UNC13A: variants seen among roughly 807,000 people sequenced by gnomAD.
UNC13A encodes protein unc-13 homolog A.
UNC13A carries 61 observed loss-of-function variants against 219.7 expected under a neutral mutation model. The ratio of observed to expected loss-of-function variants is 0.28; its 90% CI spans 0.23 to 0.34. The LOEUF (loss-of-function observed/expected upper bound fraction) is 0.34. UNC13A is among the 10% of genes least tolerant of loss of function. UNC13A has a pLI of 1.00. For synonymous variants in UNC13A, 920 were observed against 884.6 expected, an observed-to-expected ratio of 1.04 and a Z score of -0.71; for missense variants, 1,476 against 2,270.3, an observed-to-expected ratio of 0.65 and a Z score of 7.11.
rs11287808 is a variant in UNC13A, at chr19:17,661,104, C to CTTTTTTTT, written c.559+2420_559+2427dup. Among the ~76,000 whole-genome samples the CTTTTTTTT allele has an allele frequency of 4.0e-4, 54 of 135,388 alleles. 1 individual carries two copies. Among genetic ancestry groups the CTTTTTTTT allele is most frequent in the Non-Finnish European group, 5.1e-4 (32 of 63,026 alleles). 88.8% of individuals were successfully genotyped at this position (135,388 alleles called of 152,430 possible). A position where few individuals can be genotyped will look rare whatever the true frequency, so the allele number is the denominator to read the frequency against. On this transcript the variant is annotated intron_variant, in intron 8 of 43. Coordinates refer to ENST00000519716, the MANE Select transcript of UNC13A (RefSeq NM_001080421.3). ...CAGGGGCGTGCCACCACACCCGGCC[C>CTTTTTTTT]TTTTTTTTTTTTTTTGTAGAGATGG... is the stretch of plus-strand genomic sequence containing the variant.
At chr19:17,626,490 A>C in intron 34 of UNC13A, 143 bp downstream of exon 34, 2 of 864,878 alleles carry the variant, frequency 2.3e-6, no homozygotes, top group Non-Finnish European at 3.3e-6. Flanking sequence ...CATCCCCTTC[A>C]TGCCACCATC....
At chr19:17,639,814 C>A (rs1250188356) in intron 23 of UNC13A, 26 bp downstream of exon 23, 1 of 1,613,162 alleles carries the variant, frequency 6.2e-7, no homozygotes, top group Non-Finnish European at 8.5e-7. Context: ...GTGGGGTGAG[C>A]AAATTCTCAT....
intron 1 of UNC13A, among the ~76,000 whole-genome samples, chr19:17,685,724 G>A (rs2080095610): frequency 6.6e-6 from 1 of 152,166 alleles, no homozygotes; most frequent in Non-Finnish European, 1.5e-5. Flanking sequence ...CATGGTCTGC[G>A]TAGAGCCTTC....
At chr19:17,672,763 T>A (rs2079814845) in intron 3 of UNC13A, among the ~76,000 whole-genome samples, 2 of 152,164 alleles carry the variant, frequency 1.3e-5, no homozygotes, top group South Asian at 2.1e-4. Context: ...ACACATCGCC[T>A]GCACCTTCAT....
chr19:17,661,074 G>C (rs890367251), intron 8 of UNC13A, among the ~76,000 whole-genome samples: 3 of 150,454 alleles, frequency 2.0e-5, no homozygotes, highest in African/African-American at 7.4e-5. Context: ...AAATAGCTGG[G>C]ACTACAGGGG....
chr19:17,601,482 T>G lies in UNC13A; in HGVS notation c.*4572A>C, dbSNP rs1599811867. The G allele has an allele frequency of 2.6e-5, 4 of 152,698 alleles. 1 individual carries two copies. In the South Asian group the frequency reaches 8.3e-4, roughly 32 times the overall value. 9.5% of individuals were successfully genotyped at this position (152,698 alleles called of 1,614,324 possible). A position where few individuals can be genotyped will look rare whatever the true frequency, so the allele number is the denominator to read the frequency against. On this transcript the variant is annotated 3_prime_UTR_variant, in exon 44 of 44. Transcript: ENST00000519716. ...TAAACATTTGTTCCAAGTCACATAT[T>G]TACAGAGAAATGAAGGCGTCTGTGC...
At chr19:17,688,115 A>G (rs1021754522) in intron 1 of UNC13A, 63 bp downstream of exon 1, 1 of 1,507,698 alleles carries the variant, frequency 6.6e-7, no homozygotes, top group Non-Finnish European at 8.9e-7. Context: ...AGCCGCATCC[A>G]CGCGGACCCC....
chr19:17,620,848 G>T, intron 37 of UNC13A, 126 bp from the exon 38 acceptor site: 1 of 1,088,676 alleles, frequency 9.2e-7, no homozygotes, highest in Non-Finnish European at 1.4e-6. Flanking sequence ...CAGGTCCTGG[G>T]TCTAATGGTG....
At chr19:17,650,680 G>C (rs2079327483) in intron 12 of UNC13A, among the ~76,000 whole-genome samples, 1 of 151,720 alleles carries the variant, frequency 6.6e-6, no homozygotes. Flanking sequence ...CTTTCACCAT[G>C]TTGGCCAGGC....
chr19:17,629,974 C>T (rs2076824937), intron 30 of UNC13A, among the ~76,000 whole-genome samples, 171 bp downstream of exon 30: 1 of 152,004 alleles, frequency 6.6e-6, no homozygotes, highest in Non-Finnish European at 1.5e-5. Context: ...CAACCTCAAC[C>T]TCAACCCAAA....
At chr19:17,658,452 C>G (rs1203650802) in intron 8 of UNC13A, among the ~76,000 whole-genome samples, 183 bp from the exon 9 acceptor site, 1 of 152,136 alleles carries the variant, frequency 6.6e-6, no homozygotes, top group Non-Finnish European at 1.5e-5. Context: ...GGTGAAAACC[C>G]TGCTTTGCTT....
rs560726078 is a variant in UNC13A, at chr19:17,619,034, T to C, written c.4273-72A>G. On this transcript the variant is annotated intron_variant, in intron 38 of 43. Coordinates refer to ENST00000519716, the MANE Select transcript of UNC13A (RefSeq NM_001080421.3). ...TGACACTCCAGCCCCAGAGACCATC[T>C]TGGTTCTTGCCCAAAGGCTCTGGGC... The C allele has an allele frequency of 1.6e-5, 23 of 1,476,550 alleles. No individual in the cohort carries two copies. In the South Asian group the frequency reaches 2.6e-4, roughly 17 times the overall value. 91.5% of individuals were successfully genotyped at this position (1,476,550 alleles called of 1,614,324 possible).
intron 22 of UNC13A, 114 bp downstream of exon 22, chr19:17,640,397 G>C (rs2076956032): frequency 7.5e-7 from 1 of 1,340,202 alleles, no homozygotes; most frequent in African/African-American, 1.5e-5. Context: ...GAAGTGACTG[G>C]TGGAAAGTCA....
At position 17,674,595 on chromosome 19, in the gene UNC13A, G is replaced by A; in HGVS notation, c.152+62C>T. On this transcript the variant is annotated intron_variant, in intron 3 of 43. Coordinates refer to ENST00000519716, the MANE Select transcript of UNC13A (RefSeq NM_001080421.3). The surrounding 1 kb of genome is among the most constrained non-coding windows in gnomAD (Gnocchi z 5.0). The stretch of plus-strand genomic sequence containing the variant: ...TCCCCAGTGTCCAGCTCTGCCCTGA[G>A]GGGCCAGCGAGGTGCTGGGCTATGC... 1 of 1,485,574 alleles carries A rather than the reference G, an allele frequency of 6.7e-7. No homozygotes were observed. Among genetic ancestry groups the A allele is most frequent in the Non-Finnish European group, 9.4e-7 (1 of 1,068,690 alleles). The allele number at this position is 1,485,574 out of a possible 1,614,324, so 92.0% of individuals were successfully genotyped here. A position where few individuals can be genotyped will look rare whatever the true frequency, so the allele number is the denominator to read the frequency against.
rs140257727 is a variant in UNC13A at position 17,619,328 on chromosome 19, G to A, written c.4273-366C>T. 7.5e-3 allele frequency among the ~76,000 whole-genome samples: 1,133 copies of A among 151,604 alleles called. 14 individuals carry two copies. The highest frequency in any genetic ancestry group is 0.027 in the African/African-American group (1,101 of 41,450). On this transcript the variant is annotated intron_variant, in intron 38 of 43. Coordinates refer to ENST00000519716, the MANE Select transcript of UNC13A (RefSeq NM_001080421.3). ...TTGGGAACACAATAGGCTAGGCTGAGGTTGCAGAAAATGGCTCTGGTCAAA... is the reference window on the plus strand; with the variant it reads ...TTGGGAACACAATAGGCTAGGCTGAAGTTGCAGAAAATGGCTCTGGTCAAA...
chr19:17,623,353 C>T (rs977624422), intron 36 of UNC13A, 189 bp downstream of exon 36: 179 of 516,854 alleles, frequency 3.5e-4, no homozygotes, highest in Non-Finnish European at 5.4e-4. Context: ...GCGTGGTCTC[C>T]CTCCCTCCCA....
chr19:17,679,542 G>C (rs1188290581), intron 1 of UNC13A, among the ~76,000 whole-genome samples: 1 of 151,354 alleles, frequency 6.6e-6, no homozygotes, highest in African/African-American at 2.4e-5. Flanking sequence ...GGGTGGGAAA[G>C]TGACAGGCTC....
intron 4 of UNC13A, among the ~76,000 whole-genome samples, chr19:17,671,871 G>C (rs1354772682): frequency 6.6e-6 from 1 of 152,162 alleles, no homozygotes; most frequent in African/African-American, 2.4e-5. Flanking sequence ...ACCTTCTTAT[G>C]AGTTGGTGTA....
intron 5 of UNC13A, 39 bp from the exon 6 acceptor site, chr19:17,668,229 C>T (rs764681968): frequency 6.3e-6 from 10 of 1,590,078 alleles, no homozygotes; most frequent in Admixed American, 5.1e-5. Context: ...GGAAGACCCT[C>T]CCTGCCGCTC....
Sources: gnomAD v4.1 joint callset for allele counts (sites outside exome capture counted in the v4.1 genomes callset) on GRCh38, gnomAD v4.1.1 for gene constraint, Gnocchi (gnomAD v3.1) non-coding constraint, MANE v1.5 for transcripts, NCBI Gene and HGNC (gene_info 2026-07-23, HGNC 2026-07-21) for gene names.